The following REDIC1 variants were observed in gnomAD, a reference collection of about 807,000 sequenced individuals.
REDIC1 encodes HEI10 Interacting Protein 1.
the REDIC1 span, among the ~76,000 whole-genome samples, chr12:39,888,375 G>A: frequency 6.6e-6 from 1 of 152,064 alleles, no homozygotes. Context: ...CAGGTGCATG[G>A]CACCACACCC....
the REDIC1 span, among the ~76,000 whole-genome samples, chr12:39,866,570 C>T: frequency 1.3e-5 from 2 of 152,134 alleles, no homozygotes; most frequent in African/African-American, 4.8e-5. Context: ...GCTCCGCCCC[C>T]CGGGGTTCAC....
the REDIC1 span, among the ~76,000 whole-genome samples, chr12:39,904,629 G>A: frequency 1.6e-4 from 24 of 152,078 alleles, no homozygotes; most frequent in Admixed American, 8.5e-4. Flanking sequence ...TGAGTTTAAT[G>A]TCCTATCACG....
the REDIC1 span, among the ~76,000 whole-genome samples, chr12:39,845,695 G>A: frequency 6.6e-6 from 1 of 152,108 alleles, no homozygotes; most frequent in South Asian, 2.1e-4. Context: ...ATAGCATCAT[G>A]TCCTCTGATG....
chr12:39,881,933 A>G, the REDIC1 span, among the ~76,000 whole-genome samples: 1 of 152,142 alleles, frequency 6.6e-6, no homozygotes, highest in South Asian at 2.1e-4. Flanking sequence ...CAGTGGCATC[A>G]ACATGGACCA....
At chr12:39,727,104 A>T in the REDIC1 span, among the ~76,000 whole-genome samples, 1 of 152,014 alleles carries the variant, frequency 6.6e-6, no homozygotes, top group African/African-American at 2.4e-5. Flanking sequence ...ATTTTCTCCC[A>T]TTCTGTAGGT....
the REDIC1 span, among the ~76,000 whole-genome samples, chr12:39,814,403 A>C: frequency 6.6e-6 from 1 of 152,214 alleles, no homozygotes; most frequent in Non-Finnish European, 1.5e-5. Context: ...CTATTCCTTT[A>C]AGAACAACAC....
At chr12:39,854,401 C>T in the REDIC1 span, among the ~76,000 whole-genome samples, 1 of 152,200 alleles carries the variant, frequency 6.6e-6, no homozygotes. Context: ...TATGCCCCCT[C>T]CATCCTGCTA....
chr12:39,899,453 T>C, the REDIC1 span, among the ~76,000 whole-genome samples: 3 of 152,302 alleles, frequency 2.0e-5, no homozygotes, highest in African/African-American at 4.8e-5. Flanking sequence ...ATTAACTTTT[T>C]AAAGGGTTTT....
the REDIC1 span, among the ~76,000 whole-genome samples, chr12:39,835,274 A>G: frequency 6.6e-6 from 1 of 152,062 alleles, no homozygotes; most frequent in African/African-American, 2.4e-5. Flanking sequence ...CCCAGTTCTA[A>G]GATTGTACAT....
chr12:39,720,149 G>A, the REDIC1 span, among the ~76,000 whole-genome samples: 1 of 151,802 alleles, frequency 6.6e-6, no homozygotes, highest in Non-Finnish European at 1.5e-5. Context: ...CTTAAAAAAA[G>A]TTCTTAAAGG....
the REDIC1 span, among the ~76,000 whole-genome samples, chr12:39,902,270 G>A: frequency 6.6e-6 from 1 of 151,504 alleles, no homozygotes; most frequent in Non-Finnish European, 1.5e-5. Context: ...CAGCACACCA[G>A]CATGGCACAT....
chr12:39,632,421 T>C, the REDIC1 span, among the ~76,000 whole-genome samples: 1 of 152,122 alleles, frequency 6.6e-6, no homozygotes. Context: ...TTTTTGAAAA[T>C]GGTTTTTGTA....
At chr12:39,734,837 AT>A in the REDIC1 span, among the ~76,000 whole-genome samples, 1 of 152,080 alleles carries the variant, frequency 6.6e-6, no homozygotes, top group Admixed American at 6.6e-5. Flanking sequence ...TTCCATAGGG[AT>A]TTTGGCTACA....
chr12:39,782,509 T>C, the REDIC1 span, among the ~76,000 whole-genome samples: 1 of 152,126 alleles, frequency 6.6e-6, no homozygotes, highest in Admixed American at 6.6e-5. Context: ...TCCCCAGCCA[T>C]GTGGAACTGT....
the REDIC1 span, among the ~76,000 whole-genome samples, chr12:39,811,697 T>A: frequency 2.0e-5 from 3 of 152,192 alleles, no homozygotes; most frequent in Non-Finnish European, 2.9e-5. Context: ...CTTGATGAAT[T>A]GGCCACTTTA....
At chr12:39,790,131 T>C in the REDIC1 span, among the ~76,000 whole-genome samples, 1 of 151,642 alleles carries the variant, frequency 6.6e-6, no homozygotes, top group African/African-American at 2.4e-5. Flanking sequence ...TGTGTTCTTT[T>C]TTTTTTTTGA....
At chr12:39,704,411 G>A in the REDIC1 span, among the ~76,000 whole-genome samples, 1 of 152,210 alleles carries the variant, frequency 6.6e-6, no homozygotes, top group African/African-American at 2.4e-5. Context: ...TCATTAAAAA[G>A]TCAGGAAACA....
the REDIC1 span, among the ~76,000 whole-genome samples, chr12:39,787,327 A>G: frequency 6.6e-6 from 1 of 152,178 alleles, no homozygotes; most frequent in Admixed American, 6.6e-5. Context: ...AAATAACAGT[A>G]ATTACTGTTG....
At chr12:39,839,340 A>G in the REDIC1 span, among the ~76,000 whole-genome samples, 1 of 152,000 alleles carries the variant, frequency 6.6e-6, no homozygotes, top group Non-Finnish European at 1.5e-5. Context: ...CTGTTTAACC[A>G]TGTAAGTAGG....
Sources: gnomAD v4.1 joint callset for allele counts (sites outside exome capture counted in the v4.1 genomes callset) on GRCh38, gnomAD v4.1.1 for gene constraint, MANE v1.5 for transcripts, NCBI Gene and HGNC (gene_info 2026-07-23, HGNC 2026-07-21) for gene names.